The following TMEM120B variants were observed in gnomAD, a reference collection of about 807,000 sequenced individuals.
TMEM120B encodes the protein transmembrane protein 120B.
Under a neutral mutation model 55.5 loss-of-function variants are expected in TMEM120B, and 31 were observed. The observed-to-expected ratio is 0.56, with a 90% CI of 0.42 to 0.75. TMEM120B has a LOEUF of 0.75. Ranked by LOEUF, TMEM120B falls within the 30% of genes least tolerant of loss-of-function variation. The pLI is 0.00. For missense variants in TMEM120B, 399 were observed against 425.5 expected (o/e 0.94, Z 0.55); for synonymous variants, 203 against 176.3 (o/e 1.15, Z -1.20).
At chr12:121,718,764 G>A (rs1566504603) in intron 1 of TMEM120B, among the ~76,000 whole-genome samples, 1 of 152,012 alleles carries the variant, frequency 6.6e-6, no homozygotes, top group Non-Finnish European at 1.5e-5. Context: ...ACTCTTAGTT[G>A]CAAATGAAAA....
rs754641906 is a variant in TMEM120B, at chr12:121,780,929, G to A, written c.*5207G>A. On this transcript the variant is annotated 3_prime_UTR_variant, in exon 12 of 12. Transcript: ENST00000449592. ...CCCGGAGCTTCCGCAGCTGCTCCTTGTCCTTCCTCAGGTCTGTCTTGCAGC... is the reference window on the plus strand; with the variant it reads ...CCCGGAGCTTCCGCAGCTGCTCCTTATCCTTCCTCAGGTCTGTCTTGCAGC... The A allele has an allele frequency of 4.3e-6, 7 of 1,613,902 alleles. No individual in the cohort carries two copies. Among genetic ancestry groups the A allele is most frequent in the Non-Finnish European group, 5.1e-6 (6 of 1,179,980 alleles).
chr12:121,748,819 T>C (rs1010976033), intron 3 of TMEM120B, among the ~76,000 whole-genome samples: 7 of 152,184 alleles, frequency 4.6e-5, no homozygotes, highest in Non-Finnish European at 8.8e-5. Flanking sequence ...CAACAATCTG[T>C]GCGTCAGACC....
rs1336727204 is a variant in TMEM120B, at chr12:121,781,000, G to T, written c.*5278G>T. 3.7e-6 allele frequency: 6 copies of T among 1,613,606 alleles called. No homozygotes were observed. The East Asian group carries it at 1.3e-4, about 36-fold the overall frequency. On this transcript the variant is annotated 3_prime_UTR_variant, in exon 12 of 12. Transcript: ENST00000449592. ...CCGCGGCAGAAATGCGTGACCTCAG[G>T]GAACCACTGTGGAGGGAGGAGGCGG...
At chr12:121,719,479 G>A (rs978286779) in intron 1 of TMEM120B, among the ~76,000 whole-genome samples, 1 of 152,078 alleles carries the variant, frequency 6.6e-6, no homozygotes, top group Non-Finnish European at 1.5e-5. Context: ...CCACCTACTT[G>A]GGAGGCTGAA....
intron 6 of TMEM120B, among the ~76,000 whole-genome samples, chr12:121,762,705 G>A (rs949464351): frequency 6.6e-6 from 1 of 152,202 alleles, no homozygotes; most frequent in Non-Finnish European, 1.5e-5. Context: ...GAGTGGGTGG[G>A]TGGTCTTCTA....
In TMEM120B at chr12:121,778,484, C is replaced by A. The variant is rs1874323315; in HGVS notation, c.*2762C>A. 6.6e-6 allele frequency: 1 copy of A among 152,162 alleles called. No homozygotes were observed. The highest frequency in any genetic ancestry group is 2.4e-5 in the African/African-American group (1 of 41,246). 9.4% of individuals were successfully genotyped at this position (152,162 alleles called of 1,614,324 possible). A position where few individuals can be genotyped will look rare whatever the true frequency, so the allele number is the denominator to read the frequency against. On this transcript the variant is annotated 3_prime_UTR_variant, in exon 12 of 12. Coordinates refer to ENST00000449592, the MANE Select transcript of TMEM120B (RefSeq NM_001080825.2). ...AAAAAAAAAAAAATTCCCAGACCCT[C>A]GGCCCCAGACCTTCCCAAAGGAGGC...
Position 121,780,557 on chromosome 12 carries a change from T to G in TMEM120B, c.*4835T>G. The G allele has an allele frequency of 2.0e-6, 1 of 493,070 alleles. No individual in the cohort carries two copies. The highest frequency in any genetic ancestry group is 3.6e-6 in the Non-Finnish European group (1 of 279,748). 30.5% of individuals were successfully genotyped at this position (493,070 alleles called of 1,614,324 possible). On this transcript the variant is annotated 3_prime_UTR_variant, in exon 12 of 12. Coordinates refer to ENST00000449592, the MANE Select transcript of TMEM120B (RefSeq NM_001080825.2). ...AGCACAGACTTTGGATTGCAGTGGA[T>G]GGGACCAGATCCTGGCTCCACTTCT...
At chr12:121,716,728 A>T (rs1218751559) in intron 1 of TMEM120B, among the ~76,000 whole-genome samples, 2 of 151,694 alleles carry the variant, frequency 1.3e-5, no homozygotes, top group East Asian at 3.9e-4. Context: ...GTGCCCGGCT[A>T]ATTTTTATAT....
chr12:121,774,268 T>C (rs1036976691), intron 9 of TMEM120B, among the ~76,000 whole-genome samples: 10 of 152,256 alleles, frequency 6.6e-5, no homozygotes, highest in Non-Finnish European at 4.4e-5. Context: ...CTCTGCTGTC[T>C]TTTGACATAG....
rs778748578 is a variant in TMEM120B, at chr12:121,775,087, C to T, written c.863C>T (p.Thr288Met). 17 of 1,606,236 alleles carry T rather than the reference C, an allele frequency of 1.1e-5. No homozygotes were observed. The highest frequency in any genetic ancestry group is 2.8e-5 in the African/African-American group (2 of 72,698). ...GHFWQLYNAVTLFELSSHEEC... is the reference protein window; with the variant it reads ...GHFWQLYNAVMLFELSSHEEC... ...TTCTGGCAGCTCTACAATGCCGTCACGCTGTTTGAGCTCTCCAGCCACGAG... is the reference window on the plus strand; with the variant it reads ...TTCTGGCAGCTCTACAATGCCGTCATGCTGTTTGAGCTCTCCAGCCACGAG... Residue 288 changes from threonine (T) to methionine (M), a missense_variant, in exon 11 of 12, where the codon ACG becomes ATG. Physicochemically the swap from Thr to Met is moderately conservative, Grantham distance 81. This residue lies in a region of TMEM120B where 260 missense variants were observed against 303.9 expected (regional missense o/e 0.86). Coordinates refer to ENST00000449592, the MANE Select transcript of TMEM120B (RefSeq NM_001080825.2). This position sits in a 1 kb window ranked among gnomAD's most constrained non-coding sequence, Gnocchi z 4.3.
At chr12:121,719,037 C>T (rs1186348792) in intron 1 of TMEM120B, among the ~76,000 whole-genome samples, 1 of 152,134 alleles carries the variant, frequency 6.6e-6, no homozygotes, top group Non-Finnish European at 1.5e-5. Flanking sequence ...CCTGTGGTTT[C>T]AGCAAGCGTC....
intron 1 of TMEM120B, among the ~76,000 whole-genome samples, chr12:121,724,186 G>A (rs183520246): frequency 3.3e-5 from 5 of 151,110 alleles, no homozygotes; most frequent in Admixed American, 1.3e-4. Flanking sequence ...TACAGGCACC[G>A]GCCACCACAC....
chr12:121,772,788 T>C (rs555680450), intron 8 of TMEM120B, among the ~76,000 whole-genome samples: 220 of 152,182 alleles, frequency 1.4e-3, no homozygotes, highest in Non-Finnish European at 2.3e-3. Context: ...CAAATACAAA[T>C]GTATAAAGCC....
chr12:121,748,153 AGAAGGTGGGAGG>A (rs1873154980), intron 2 of TMEM120B, among the ~76,000 whole-genome samples, 161 bp from the exon 3 acceptor site: 6 of 78,804 alleles, frequency 7.6e-5, no homozygotes, highest in African/African-American at 2.5e-4. Context: ...AGGCTGGGGT[AGAAGGTGGGAGG>A]CACTGGGGTA....
In TMEM120B at chr12:121,737,015, C is replaced by T. The variant is rs372864052; in HGVS notation, c.70-6614C>T. 1.1e-4 allele frequency among the ~76,000 whole-genome samples: 16 copies of T among 152,258 alleles called. No individual in the cohort carries two copies. The East Asian group carries it at 1.7e-3, about 17-fold the overall frequency. On this transcript the variant is annotated intron_variant, in intron 1 of 11. Coordinates refer to ENST00000449592, the MANE Select transcript of TMEM120B (RefSeq NM_001080825.2). ...TTTTTGCTCCAAGAGCAACTAGTTC[C>T]ACTTCCTTAGTTGCTCCAGGAACTT...
At chr12:121,715,551 A>G (rs1894684257) in intron 1 of TMEM120B, among the ~76,000 whole-genome samples, 1 of 152,096 alleles carries the variant, frequency 6.6e-6, no homozygotes, top group Admixed American at 6.6e-5. Context: ...AGGGTTGTAG[A>G]AGAAGGTCTG....
rs1372105255 is a variant in TMEM120B at position 121,775,067 on chromosome 12, G to A, written c.843G>A (p.Trp281Ter). The A allele has an allele frequency of 3.1e-6, 5 of 1,593,990 alleles. No homozygotes were observed. The highest frequency in any genetic ancestry group is 3.4e-6 in the Non-Finnish European group (4 of 1,168,330). The change falls in exon 11 of 12, where the codon TGG (tryptophan) becomes TGA (stop). Residue 281 changes from tryptophan to a stop codon, truncating the protein, a stop_gained. Transcript: ENST00000449592. LOFTEE classifies it high-confidence loss of function. The surrounding 1 kb of genome is among the most constrained non-coding windows in gnomAD (Gnocchi z 4.3). The part of the protein sequence containing the change: ...LLPFLFCGHF[W>*]QLYNAVTLFE... Reference sequence around the variant, plus strand: ...GCGCCTGCCTTCCTCTCCAGTTCTGGCAGCTCTACAATGCCGTCACGCTGT... The same window carrying A: ...GCGCCTGCCTTCCTCTCCAGTTCTGACAGCTCTACAATGCCGTCACGCTGT...
At chr12:121,750,009 GATA>G (rs1026510047) in intron 3 of TMEM120B, among the ~76,000 whole-genome samples, 4 of 151,072 alleles carry the variant, frequency 2.6e-5, no homozygotes, top group Non-Finnish European at 5.9e-5. Flanking sequence ...TAATAACAAT[GATA>G]ATAATAATAA....
chr12:121,729,950 C>T (rs1300231408), intron 1 of TMEM120B, among the ~76,000 whole-genome samples: 1 of 151,874 alleles, frequency 6.6e-6, no homozygotes, highest in East Asian at 1.9e-4. Context: ...ATATAGTGGA[C>T]TACTAGCCTT....
Sources: allele counts gnomAD v4.1 joint callset (sites outside exome capture counted in the v4.1 genomes callset), GRCh38; gene constraint gnomAD v4.1.1; regional missense constraint gnomAD v4.1.1; non-coding constraint Gnocchi (gnomAD v3.1); transcripts MANE v1.5; gene names NCBI Gene and HGNC (gene_info 2026-07-23, HGNC 2026-07-21).